HAUS3: variants seen among roughly 807,000 people sequenced by gnomAD.
HAUS3 encodes the protein HAUS augmin-like complex subunit 3.
A neutral mutation model predicts 55.2 loss-of-function variants in HAUS3; 36 were observed. The ratio of observed to expected loss-of-function variants is 0.65; its 90% CI spans 0.50 to 0.86. HAUS3 has a LOEUF of 0.86. HAUS3 is among the 40% of genes least tolerant of loss of function. The probability of loss-of-function intolerance (pLI) is 0.00; values close to 1 mark genes in which losing one functional copy is unlikely to be tolerated. For missense variants in HAUS3, 752 were observed against 671.5 expected, an observed-to-expected ratio of 1.12 and a Z score of -1.33; for synonymous variants, 234 against 238.6, an observed-to-expected ratio of 0.98 and a Z score of 0.18.
rs755823385 is a variant in HAUS3, at chr4:2,236,227, C to T, written c.1578+1G>A. 3 of 1,585,356 alleles carry T rather than the reference C, an allele frequency of 1.9e-6. No individual in the cohort carries two copies. Among genetic ancestry groups the T allele is most frequent in the African/African-American group, 1.3e-5 (1 of 74,520 alleles). On this transcript the variant is annotated splice_donor_variant, in intron 5 of 5. Coordinates refer to ENST00000443786, the MANE Select transcript of HAUS3 (RefSeq NM_001303143.2). LOFTEE classifies it high-confidence loss of function. ...TTTTAACTACTATGGCAAATACCCA[C>T]CTGATCACTAAGCAAAAGCTGATTT...
At position 2,241,080 on chromosome 4, in the gene HAUS3, TATA is replaced by T. The variant is rs1368796879; in HGVS notation, c.-137_-135del. ...GAAGGGAAAATATATTTTTAGAATCTATAATGATTCCTCCTAGGGGGGAAGAAA... is the reference window on the plus strand; with the variant it reads ...GAAGGGAAAATATATTTTTAGAATCTATGATTCCTCCTAGGGGGGAAGAAA... On this transcript the variant is annotated 5_prime_UTR_variant, in exon 3 of 6. Transcript: ENST00000443786. The T allele has an allele frequency of 4.5e-6, 3 of 663,880 alleles. No individual in the cohort carries two copies. Among genetic ancestry groups the T allele is most frequent in the Non-Finnish European group, 7.5e-6 (3 of 398,406 alleles). The allele number at this position is 663,880 out of a possible 1,614,324, so 41.1% of individuals were successfully genotyped here.
In HAUS3 at chr4:2,240,247, T is replaced by G. The variant is rs1274431045; in HGVS notation, c.700A>C (p.Asn234His). The G allele has an allele frequency of 1.9e-6, 3 of 1,613,694 alleles. No individual in the cohort carries two copies. The highest frequency in any genetic ancestry group is 2.5e-6 in the Non-Finnish European group (3 of 1,179,690). The change falls in exon 3 of 6, where the codon AAT (asparagine) becomes CAT (histidine). Residue 234 changes from asparagine to histidine, a missense_variant. Physicochemically the swap from Asn to His is moderately conservative, Grantham distance 68. Transcript: ENST00000443786. ...QGIHEVVESS[N>H]EDNFQLLDIQ... ...TCTAAAAGTTGAAAATTGTCTTCATTTGAACTTTCAACTACTTCATGTATA... is the reference window on the plus strand; with the variant it reads ...TCTAAAAGTTGAAAATTGTCTTCATGTGAACTTTCAACTACTTCATGTATA...
chr4:2,238,518 C>A (rs1393068834), intron 4 of HAUS3, 86 bp downstream of exon 4: 8 of 828,200 alleles, frequency 9.7e-6, no homozygotes, highest in Middle Eastern at 4.1e-4. Context: ...TTGTTAAAAA[C>A]TTCCAAAATT....
chr4:2,236,902 T>A (rs970772578), intron 4 of HAUS3, among the ~76,000 whole-genome samples: 3 of 148,876 alleles, frequency 2.0e-5, no homozygotes, highest in Non-Finnish European at 1.5e-5. Context: ...AATAATAATA[T>A]TATTATTATT....
chr4:2,236,899 A>G (rs570795170), intron 4 of HAUS3, among the ~76,000 whole-genome samples: 1 of 149,316 alleles, frequency 6.7e-6, no homozygotes, highest in Non-Finnish European at 1.5e-5. Context: ...TATAATAATA[A>G]TATTATTATT....
At chr4:2,237,652 C>A (rs1239003499) in intron 4 of HAUS3, among the ~76,000 whole-genome samples, 1 of 152,120 alleles carries the variant, frequency 6.6e-6, no homozygotes, top group East Asian at 1.9e-4. Context: ...ATTTCCACAT[C>A]TTAACTACTA....
At position 2,240,910 on chromosome 4, in the gene HAUS3, T is replaced by G. The variant is rs1464314713; in HGVS notation, c.37A>C (p.Lys13Gln). 3.8e-6 allele frequency: 6 copies of G among 1,598,376 alleles called. No homozygotes were observed. In the South Asian group the frequency reaches 6.7e-5, roughly 18 times the overall value. ...CGNEFVETLK[K>Q]IGYPKADNLN... ...TTATCAGCTTTGGGATAACCAATTT[T>G]TTTTAATGTTTCCACAAACTCATTT... Residue 13 changes from lysine (K) to glutamine (Q), a missense_variant, in exon 3 of 6, where the codon AAA (lysine) becomes CAA (glutamine). Transcript: ENST00000443786.
chr4:2,238,669 ATC>A lies in HAUS3; in HGVS notation c.1282_1283del (p.Asp428SerfsTer14). The A allele has an allele frequency of 8.1e-6, 13 of 1,613,178 alleles. No homozygotes were observed. The highest frequency in any genetic ancestry group is 1.1e-5 in the Non-Finnish European group (13 of 1,179,290). On this transcript the variant is annotated frameshift_variant, in exon 4 of 6. Coordinates refer to ENST00000443786, the MANE Select transcript of HAUS3 (RefSeq NM_001303143.2). LOFTEE classifies it high-confidence loss of function. ...GATTTATCTGTTGAGAAACTGATGG[ATC>A]TGTTAACATTTCTAATTGCTTGTAG... is the stretch of plus-strand genomic sequence containing the variant. The part of the protein sequence containing the change: ...MLYKQLEMLT[D>X]PSVSQQINPR...
chr4:2,241,144 T>C, intron 2 of HAUS3, 51 bp from the exon 3 acceptor site: 1 of 500,702 alleles, frequency 2.0e-6, no homozygotes, highest in Non-Finnish European at 3.4e-6. Flanking sequence ...GACAGTGTTT[T>C]TAAAAAGAAG....
Position 2,229,192 on chromosome 4 carries a change from TAC to T in HAUS3, c.*2733_*2734del. 6.2e-7 allele frequency: 1 copy of T among 1,610,524 alleles called. No individual in the cohort carries two copies. The highest frequency in any genetic ancestry group is 8.5e-7 in the Non-Finnish European group (1 of 1,177,400). On this transcript the variant is annotated 3_prime_UTR_variant, in exon 6 of 6. Coordinates refer to ENST00000443786, the MANE Select transcript of HAUS3 (RefSeq NM_001303143.2). ...TGAGCAACACTGGAGAGCGGTGTAT[TAC>T]AGAGATCAAAGCCTACCAATGCCTC...
chr4:2,236,441 C>T lies in HAUS3; in HGVS notation c.1365G>A (p.Leu455=), dbSNP rs1734770821. The part of the protein sequence containing the change: ...DYSTHRLYQV[L]EGENKKKELF... ...ATTCTTTTTTCTTATTCTCTCCCTC[C>T]AAAACTTGGTAAAGCCTGAAATGTA... is the stretch of plus-strand genomic sequence containing the variant. Residue 455 remains leucine, a synonymous_variant, in exon 5 of 6, where the codon TTG becomes TTA. Transcript: ENST00000443786. 2 of 1,609,082 alleles carry T rather than the reference C, an allele frequency of 1.2e-6. No individual in the cohort carries two copies. The highest frequency in any genetic ancestry group is 3.3e-5 in the Admixed American group (2 of 59,928).
intron 5 of HAUS3, among the ~76,000 whole-genome samples, chr4:2,235,837 T>G (rs1400656706): frequency 6.6e-6 from 1 of 152,170 alleles, no homozygotes; most frequent in Non-Finnish European, 1.5e-5. Flanking sequence ...AGTCACTCTT[T>G]GAGGATGAGA....
chr4:2,241,180 C>T (rs998415537), intron 2 of HAUS3, 87 bp from the exon 3 acceptor site: 3 of 420,032 alleles, frequency 7.1e-6, no homozygotes, highest in Non-Finnish European at 8.3e-6. Flanking sequence ...ACATGATATC[C>T]GAGAGCGGGA....
At chr4:2,238,103 C>T (rs1210401726) in intron 4 of HAUS3, among the ~76,000 whole-genome samples, 1 of 152,140 alleles carries the variant, frequency 6.6e-6, no homozygotes, top group Admixed American at 6.5e-5. Flanking sequence ...CTACTTTAGC[C>T]CTCCAATTTT....
Position 2,228,926 on chromosome 4 carries a change from GT to G in HAUS3, c.*3000del, listed in dbSNP as rs1470186352. 13 of 522,084 alleles carry G rather than the reference GT, an allele frequency of 2.5e-5. No individual in the cohort carries two copies. The highest frequency in any genetic ancestry group is 1.8e-4 in the Admixed American group (5 of 27,760). 32.3% of individuals were successfully genotyped at this position (522,084 alleles called of 1,614,324 possible). ...GTGTTACATTTTTAAAGCAATGAAG[GT>G]TAAGGGAACACGAAAGTTAGCAAGC... is the stretch of plus-strand genomic sequence containing the variant. On this transcript the variant is annotated 3_prime_UTR_variant, in exon 6 of 6. Coordinates refer to ENST00000443786, the MANE Select transcript of HAUS3 (RefSeq NM_001303143.2).
chr4:2,241,719 C>T lies in HAUS3; in HGVS notation c.-347G>A. 1.0e-6 allele frequency: 1 copy of T among 985,514 alleles called. No homozygotes were observed. The highest frequency in any genetic ancestry group is 1.2e-6 in the Non-Finnish European group (1 of 829,960). 61.0% of individuals were successfully genotyped at this position (985,514 alleles called of 1,614,324 possible). On this transcript the variant is annotated 5_prime_UTR_variant, in exon 2 of 6. Transcript: ENST00000443786. ...GCCCCAGGGATCCGCGGCCCCAAGG[C>T]CGCGATACACCAGACGCGCCAGCGG...
chr4:2,231,980 C>A lies in HAUS3; in HGVS notation c.1759G>T (p.Val587Leu), dbSNP rs768527117. 4 of 1,482,922 alleles carry A rather than the reference C, an allele frequency of 2.7e-6. No individual in the cohort carries two copies. The highest frequency in any genetic ancestry group is 1.7e-4 in the Middle Eastern group (1 of 5,798). 91.9% of individuals were successfully genotyped at this position (1,482,922 alleles called of 1,614,324 possible). Residue 587 changes from valine to leucine, a missense_variant, in exon 6 of 6, where the codon GTG becomes TTG. Coordinates refer to ENST00000443786, the MANE Select transcript of HAUS3 (RefSeq NM_001303143.2). ...TTTGATTGAGTTTCTAAATTCTCCACAATATCTTTCAGATAATCTTCATCT... is the reference window on the plus strand; with the variant it reads ...TTTGATTGAGTTTCTAAATTCTCCAAAATATCTTTCAGATAATCTTCATCT... ...LKDEDYLKDI[V>L]ENLETQSKIK...
intron 4 of HAUS3, among the ~76,000 whole-genome samples, chr4:2,237,335 T>C (rs1577799869): frequency 6.6e-6 from 1 of 150,868 alleles, no homozygotes; most frequent in South Asian, 2.1e-4. Context: ...ACTCAGGAAG[T>C]TGAGGCAGGA....
Position 2,240,526 on chromosome 4 carries a change from C to G in HAUS3, c.421G>C (p.Glu141Gln). Residue 141 changes from glutamate to glutamine, a missense_variant, in exon 3 of 6, where the codon GAA (glutamate) becomes CAA (glutamine). Transcript: ENST00000443786. ...TTCAGCTTTTTAGTGGCTTCTTCTT[C>G]TTTAGCATTTAACCTCAGAGATTTG... ...SHKSLRLNAK[E>Q]EEATKKLKQS... is the part of the protein sequence containing the mutation. 1 of 1,613,746 alleles carries G rather than the reference C, an allele frequency of 6.2e-7. No individual in the cohort carries two copies. The highest frequency in any genetic ancestry group is 8.5e-7 in the Non-Finnish European group (1 of 1,179,944).
Sources: allele counts gnomAD v4.1 joint callset (sites outside exome capture counted in the v4.1 genomes callset), GRCh38; gene constraint gnomAD v4.1.1; transcripts MANE v1.5; gene names NCBI Gene and HGNC (gene_info 2026-07-23, HGNC 2026-07-21).